The following CSMD1 variants were observed in gnomAD, a reference collection of about 807,000 sequenced individuals.
CSMD1 encodes CUB and Sushi multiple domains 1.
CSMD1 carries 213 observed loss-of-function variants against 417.5 expected under a neutral mutation model. That is an observed-to-expected ratio of 0.51 (90% CI 0.46 to 0.57). CSMD1 has a LOEUF of 0.57. Among genes scored for constraint, CSMD1 ranks in the 20% least tolerant of loss-of-function variants. The probability of loss-of-function intolerance (pLI) is 0.00; values close to 1 mark genes in which losing one functional copy is unlikely to be tolerated. For missense variants in CSMD1, 6,923 were observed against 4,529.7 expected, an observed-to-expected ratio of 1.53 and a Z score of -15.17; for synonymous variants, 2,862 against 1,736.8, an observed-to-expected ratio of 1.65 and a Z score of -16.11.
In CSMD1 at chr8:4,806,897, T is replaced by A. The variant is rs142004940; in HGVS notation, c.86-169339A>T. On this transcript the variant is annotated intron_variant, in intron 1 of 69. Transcript: ENST00000635120. ...AAGATGGTCTTACCCTTCCTAGGAGTTGAATGAGCAAGTACAGATGCATGC... is the reference window on the plus strand; with the variant it reads ...AAGATGGTCTTACCCTTCCTAGGAGATGAATGAGCAAGTACAGATGCATGC... Among the ~76,000 whole-genome samples, 26 of 152,246 alleles carry A rather than the reference T, an allele frequency of 1.7e-4. No homozygotes were observed. The East Asian group carries it at 4.1e-3, about 24-fold the overall frequency.
intron 2 of CSMD1, among the ~76,000 whole-genome samples, chr8:4,432,637 G>T (rs764038835): frequency 6.6e-6 from 1 of 152,106 alleles, no homozygotes; most frequent in African/African-American, 2.4e-5. Flanking sequence ...CTTAATAACT[G>T]ACTTAAGACC....
intron 1 of CSMD1, among the ~76,000 whole-genome samples, chr8:4,977,591 T>G (rs1035151522): frequency 6.6e-6 from 1 of 152,164 alleles, no homozygotes; most frequent in Non-Finnish European, 1.5e-5. Context: ...TGGATCTCAC[T>G]GAAATCACTC....
chr8:3,763,056 T>C (rs574202720), intron 5 of CSMD1, among the ~76,000 whole-genome samples: 21 of 152,284 alleles, frequency 1.4e-4, no homozygotes, highest in Admixed American at 3.9e-4. Context: ...TTTTGCGAGA[T>C]TGAAGCCTGT....
chr8:4,480,433 C>G (rs1436438287), intron 2 of CSMD1, among the ~76,000 whole-genome samples: 2 of 152,180 alleles, frequency 1.3e-5, no homozygotes, highest in African/African-American at 2.4e-5. Context: ...TATCTCGAGT[C>G]TATTGCGAGC....
chr8:4,630,250 T>G (rs1802430043), intron 2 of CSMD1, among the ~76,000 whole-genome samples: 1 of 148,026 alleles, frequency 6.8e-6, no homozygotes, highest in African/African-American at 2.6e-5. Context: ...TCTTAACAAA[T>G]AAGCACACAG....
intron 3 of CSMD1, among the ~76,000 whole-genome samples, chr8:4,193,326 G>A (rs957819897): frequency 2.0e-5 from 3 of 151,714 alleles, no homozygotes; most frequent in South Asian, 2.1e-4. Flanking sequence ...TTCAAAGAAC[G>A]TCCTCCAATA....
intron 9 of CSMD1, among the ~76,000 whole-genome samples, chr8:3,575,497 C>G (rs1165103089): frequency 2.0e-5 from 3 of 152,164 alleles, no homozygotes; most frequent in Admixed American, 2.0e-4. Context: ...TGCAATTCAA[C>G]CAGAGTTACC....
chr8:3,520,737 A>G (rs980043621), intron 10 of CSMD1, among the ~76,000 whole-genome samples: 1 of 151,606 alleles, frequency 6.6e-6, no homozygotes. Flanking sequence ...TTTTGTGTGT[A>G]TATCCTACAA....
chr8:3,374,816 T>A (rs925752286), intron 18 of CSMD1, among the ~76,000 whole-genome samples: 2 of 152,190 alleles, frequency 1.3e-5, no homozygotes, highest in African/African-American at 4.8e-5. Flanking sequence ...AGTTATTTAT[T>A]GTCTTCCCAC....
At chr8:3,423,839 G>C (rs567610307) in intron 12 of CSMD1, among the ~76,000 whole-genome samples, 1 of 152,212 alleles carries the variant, frequency 6.6e-6, no homozygotes, top group African/African-American at 2.4e-5. Flanking sequence ...CTCACAACTG[G>C]GATGGTGGAA....
chr8:3,953,144 C>G (rs757192876), intron 5 of CSMD1, among the ~76,000 whole-genome samples: 13 of 151,296 alleles, frequency 8.6e-5, no homozygotes, highest in Non-Finnish European at 1.8e-4. Context: ...TAAAAAATAC[C>G]ATTTATAAAA....
chr8:4,433,574 G>A lies in CSMD1; in HGVS notation c.303-13509C>T, dbSNP rs182706574. 1.4e-3 allele frequency among the ~76,000 whole-genome samples: 220 copies of A among 152,256 alleles called. 1 individual carries two copies. Among genetic ancestry groups the A allele is most frequent in the African/African-American group, 4.9e-3 (203 of 41,556 alleles). ...GGAAGCAGACATGTGCTGCAACAGA[G>A]AGATGAAAAGCGCCCTTAAAATGGG... On this transcript the variant is annotated intron_variant, in intron 2 of 69. Transcript: ENST00000635120.
At chr8:4,928,190 T>A (rs1807001389) in intron 1 of CSMD1, among the ~76,000 whole-genome samples, 1 of 152,050 alleles carries the variant, frequency 6.6e-6, no homozygotes, top group Non-Finnish European at 1.5e-5. Flanking sequence ...CTGCCTGGAG[T>A]GCCCGTCACC....
chr8:4,722,875 T>C (rs1489229661), intron 1 of CSMD1, among the ~76,000 whole-genome samples: 2 of 152,026 alleles, frequency 1.3e-5, no homozygotes, highest in Non-Finnish European at 2.9e-5. Context: ...CAAAAAAAGA[T>C]TTCTCCTCTG....
At chr8:3,217,663 G>C (rs1022305586) in intron 29 of CSMD1, among the ~76,000 whole-genome samples, 1 of 152,098 alleles carries the variant, frequency 6.6e-6, no homozygotes, top group Non-Finnish European at 1.5e-5. Flanking sequence ...ATTCCTAAAC[G>C]TGACGGATCC....
intron 32 of CSMD1, among the ~76,000 whole-genome samples, chr8:3,200,286 G>A (rs1796925701): frequency 6.6e-6 from 1 of 151,988 alleles, no homozygotes; most frequent in Admixed American, 6.6e-5. Flanking sequence ...CAGGTGAGGT[G>A]GCTCACACCT....
Position 3,357,010 on chromosome 8 carries a change from G to C in CSMD1, c.3304+2142C>G, listed in dbSNP as rs370142473. Among the ~76,000 whole-genome samples the C allele has an allele frequency of 7.5e-4, 114 of 152,216 alleles. 1 individual carries two copies. In the East Asian group the frequency reaches 0.02, roughly 26 times the overall value. ...GGTGGGGTCTGGGGAGCCAGGGAAA[G>C]CATCAGGGGGACTGCGGGGTTCTGG... On this transcript the variant is annotated intron_variant, in intron 21 of 69. Coordinates refer to ENST00000635120, the MANE Select transcript of CSMD1 (RefSeq NM_033225.6).
chr8:3,951,123 A>T (rs1256862604), intron 5 of CSMD1, among the ~76,000 whole-genome samples: 1 of 152,240 alleles, frequency 6.6e-6, no homozygotes. Context: ...ATTTATAGGC[A>T]GGAGATGTCT....
At chr8:4,286,372 A>G (rs1176885658) in intron 3 of CSMD1, among the ~76,000 whole-genome samples, 1 of 152,170 alleles carries the variant, frequency 6.6e-6, no homozygotes, top group African/African-American at 2.4e-5. Context: ...ATGTTAGTTC[A>G]AAACTACAGT....
Sources: allele counts gnomAD v4.1 joint callset (sites outside exome capture counted in the v4.1 genomes callset), GRCh38; gene constraint gnomAD v4.1.1; transcripts MANE v1.5; gene names NCBI Gene and HGNC (gene_info 2026-07-23, HGNC 2026-07-21).